NPIPB11: variants seen among roughly 807,000 people sequenced by gnomAD.
NPIPB11 encodes the protein nuclear pore complex interacting protein family member B11.
Under a neutral mutation model 32.8 loss-of-function variants are expected in NPIPB11, and 17 were observed. The observed-to-expected ratio is 0.52, with a 90% CI of 0.35 to 0.78. The LOEUF is 0.78. NPIPB11 is among the 30% of genes least tolerant of loss of function. The probability of loss-of-function intolerance (pLI) is 0.01; values close to 1 mark genes in which losing one functional copy is unlikely to be tolerated. For missense variants in NPIPB11, 537 were observed against 1,000.4 expected (o/e 0.54, Z 6.25); for synonymous variants, 209 against 398.4 (o/e 0.52, Z 5.66).
intron 5 of NPIPB11, among the ~76,000 whole-genome samples, chr16:29,388,657 TA>T (rs1567270800): frequency 7.3e-6 from 1 of 136,128 alleles, no homozygotes; most frequent in East Asian, 2.2e-4. Flanking sequence ...AATTCATTGC[TA>T]AACATTTTTT....
upstream of NPIPB11, among the ~76,000 whole-genome samples, chr16:29,405,475 C>T (rs1402553398): frequency 6.6e-6 from 1 of 152,158 alleles, no homozygotes; most frequent in Non-Finnish European, 1.5e-5. Context: ...TAAGCCGTCA[C>T]CACGTGTTAG....
chr16:29,394,717 C>A (rs1963809634), intron 2 of NPIPB11, among the ~76,000 whole-genome samples: 1 of 151,902 alleles, frequency 6.6e-6, no homozygotes, highest in Non-Finnish European at 1.5e-5. Context: ...CAGGTGTGAG[C>A]CACCGTGCCC....
At chr16:29,397,667 G>C (rs898393873) in intron 2 of NPIPB11, 1 of 1,316,790 alleles carries the variant, frequency 7.6e-7, no homozygotes, top group African/African-American at 1.5e-5. Context: ...AGGGCGCCCT[G>C]AGGCGTCCAG....
intron 2 of NPIPB11, chr16:29,397,769 G>T: frequency 5.3e-6 from 1 of 188,248 alleles, no homozygotes; most frequent in South Asian, 3.7e-5. Flanking sequence ...GGAGGGGGAG[G>T]GGGAAGGGAA....
chr16:29,383,055 A>C (rs530360436), exon 8 of NPIPB11: 1 of 1,579,726 alleles, frequency 6.3e-7, no homozygotes, highest in East Asian at 2.3e-5. Flanking sequence ...GCAGATGCTC[A>C]GCAGGTATCT....
intron 5 of NPIPB11, among the ~76,000 whole-genome samples, chr16:29,389,318 C>T (rs1402323581): frequency 1.4e-5 from 2 of 145,630 alleles, no homozygotes; most frequent in Admixed American, 7.0e-5. Flanking sequence ...GCCAAGACTG[C>T]ACCATAGCAC....
chr16:29,401,822 A>G (rs1331266363), intron 2 of NPIPB11, among the ~76,000 whole-genome samples: 1 of 151,968 alleles, frequency 6.6e-6, no homozygotes, highest in Non-Finnish European at 1.5e-5. Flanking sequence ...TCGTGGCAGG[A>G]TGAGGGCATG....
chr16:29,399,733 G>C (rs1404855785), intron 2 of NPIPB11, among the ~76,000 whole-genome samples: 1 of 151,322 alleles, frequency 6.6e-6, no homozygotes, highest in Non-Finnish European at 1.5e-5. Flanking sequence ...CAAAAAACAG[G>C]GTTAACAAAA....
chr16:29,392,363 T>G lies in NPIPB11; in HGVS notation c.249+1585A>C, dbSNP rs551191634. Among the ~76,000 whole-genome samples, 327 of 151,620 alleles carry G rather than the reference T, an allele frequency of 2.2e-3. 2 individuals are homozygous for G. The highest frequency in any genetic ancestry group is 7.6e-3 in the African/African-American group (315 of 41,314). On this transcript the variant is annotated intron_variant, in intron 3 of 7. Transcript: ENST00000524087. ...GATGAGAGGTGCGAAGTTGTCCAAG[T>G]CCAACAGCTCAACTGAACTTTCCTA...
chr16:29,390,510 G>A (rs535337196), intron 3 of NPIPB11, among the ~76,000 whole-genome samples, 162 bp from the exon 4 acceptor site: 29 of 151,724 alleles, frequency 1.9e-4, no homozygotes, highest in African/African-American at 4.8e-4. Context: ...AAAATTAGCC[G>A]GGCATGGCAG....
chr16:29,397,267 G>T (rs1038714685), intron 2 of NPIPB11, among the ~76,000 whole-genome samples: 1 of 151,798 alleles, frequency 6.6e-6, no homozygotes, highest in East Asian at 1.9e-4. Flanking sequence ...AGTGCAGCGG[G>T]GCCATCTCGG....
intron 2 of NPIPB11, among the ~76,000 whole-genome samples, chr16:29,399,085 G>A (rs1963927441): frequency 1.3e-5 from 2 of 150,688 alleles, no homozygotes; most frequent in Admixed American, 1.3e-4. Context: ...AGAGGGCTTG[G>A]CAGCATCATG....
intron 2 of NPIPB11, among the ~76,000 whole-genome samples, chr16:29,398,018 C>T (rs1306771021): frequency 7.1e-5 from 6 of 84,962 alleles, no homozygotes; most frequent in South Asian, 4.2e-4. Flanking sequence ...TTCTGCTATC[C>T]GCCAAACCTT....
intron 2 of NPIPB11, among the ~76,000 whole-genome samples, chr16:29,402,730 G>T (rs369215753): frequency 9.0e-6 from 1 of 111,298 alleles, no homozygotes; most frequent in East Asian, 2.3e-4. Context: ...CTCTCTGTGT[G>T]TGTGTGTGTG....
exon 3 of NPIPB11, chr16:29,394,061 C>A (rs750131140): frequency 1.1e-5 from 17 of 1,598,594 alleles, no homozygotes; most frequent in Non-Finnish European, 1.4e-5. Context: ...TGATGGTCAG[C>A]CAGAGTATTG....
At chr16:29,406,487 G>A (rs1596687686), upstream of NPIPB11, among the ~76,000 whole-genome samples, 2 of 152,212 alleles carry the variant, frequency 1.3e-5, no homozygotes, top group African/African-American at 4.8e-5. Flanking sequence ...GGAGACAAAG[G>A]CAGGTGGATC....
At chr16:29,405,478 C>T (rs1439637011), upstream of NPIPB11, among the ~76,000 whole-genome samples, 4 of 152,144 alleles carry the variant, frequency 2.6e-5, no homozygotes, top group South Asian at 2.1e-4. Context: ...GCCGTCACCA[C>T]GTGTTAGTCA....
At chr16:29,394,195 A>G in intron 2 of NPIPB11, 119 bp from the exon 3 acceptor site, 2 of 1,103,064 alleles carry the variant, frequency 1.8e-6, no homozygotes, top group East Asian at 4.9e-5. Flanking sequence ...TCCCTCAGAT[A>G]TCACCGTGGG....
chr16:29,400,182 G>A (rs946451082), intron 2 of NPIPB11, among the ~76,000 whole-genome samples: 3 of 149,792 alleles, frequency 2.0e-5, no homozygotes, highest in African/African-American at 7.4e-5. Context: ...GAATGGCAGA[G>A]AGTACTATAA....
Sources: allele counts gnomAD v4.1 joint callset (sites outside exome capture counted in the v4.1 genomes callset), GRCh38; gene constraint gnomAD v4.1.1; transcripts MANE v1.5; gene names NCBI Gene and HGNC (gene_info 2026-07-23, HGNC 2026-07-21).